NTN1: variants seen among roughly 807,000 people sequenced by gnomAD.
NTN1 encodes the protein netrin-1.
Under a neutral mutation model 54.2 loss-of-function variants are expected in NTN1, and 11 were observed. The observed-to-expected ratio is 0.20, with a 90% CI of 0.13 to 0.34. The LOEUF is 0.34. Ranked by LOEUF, NTN1 falls within the 10% of genes least tolerant of loss-of-function variation. The pLI is 1.00. For synonymous variants in NTN1, 371 were observed against 382.0 expected, an observed-to-expected ratio of 0.97 and a Z score of 0.33; for missense variants, 740 against 893.1, an observed-to-expected ratio of 0.83 and a Z score of 2.18.
chr17:9,020,645 C>T (rs566105289), upstream of NTN1, among the ~76,000 whole-genome samples: 52 of 152,300 alleles, frequency 3.4e-4, no homozygotes, highest in Middle Eastern at 3.4e-3. Flanking sequence ...TGTGGAGGTC[C>T]CATGAGCTAT....
chr17:9,218,798 A>G (rs1440608599), intron 5 of NTN1, among the ~76,000 whole-genome samples: 2 of 152,056 alleles, frequency 1.3e-5, no homozygotes, highest in East Asian at 1.9e-4. Flanking sequence ...GCCACAGCCT[A>G]TGCTATCTAC....
intron 2 of NTN1, among the ~76,000 whole-genome samples, chr17:9,025,797 GAGATATGTGA>G (rs1326328786): frequency 6.6e-6 from 1 of 152,176 alleles, no homozygotes; most frequent in African/African-American, 2.4e-5. Flanking sequence ...CCCTGTAGTG[GAGATATGTGA>G]ATGAATTAGT....
At chr17:9,084,923 T>C (rs1444783199) in intron 2 of NTN1, among the ~76,000 whole-genome samples, 1 of 152,166 alleles carries the variant, frequency 6.6e-6, no homozygotes, top group African/African-American at 2.4e-5. Context: ...AGTGCTGGAT[T>C]ACAGGCGTGA....
At chr17:9,038,960 A>AT (rs1402898930) in intron 2 of NTN1, among the ~76,000 whole-genome samples, 1 of 152,064 alleles carries the variant, frequency 6.6e-6, no homozygotes, top group African/African-American at 2.4e-5. Context: ...AAGGATATCC[A>AT]TTTTTTCATC....
intron 2 of NTN1, among the ~76,000 whole-genome samples, chr17:9,126,184 C>G (rs566246331): frequency 2.4e-4 from 36 of 152,346 alleles, no homozygotes; most frequent in South Asian, 8.3e-4. Context: ...CCAGACCTAC[C>G]TCATTATCAT....
upstream of NTN1, among the ~76,000 whole-genome samples, chr17:9,019,281 TAA>T (rs1833346256): frequency 6.6e-6 from 1 of 152,252 alleles, no homozygotes; most frequent in African/African-American, 2.4e-5. Context: ...TAACCACTAT[TAA>T]CTGTGTTGTC....
At chr17:9,107,287 T>C (rs1033245893) in intron 2 of NTN1, among the ~76,000 whole-genome samples, 1 of 152,254 alleles carries the variant, frequency 6.6e-6, no homozygotes, top group Non-Finnish European at 1.5e-5. Flanking sequence ...ATGCATTTTG[T>C]GTTTTAACTG....
rs573401300 is a variant in NTN1, at chr17:9,228,637, G to C, written c.1486+7395G>C. ...GGAAAAGTTATTCGTTCCCAGAAAT[G>C]TTTATTAGTCACCCTTTTGTTGAAA... On this transcript the variant is annotated intron_variant, in intron 6 of 6. Transcript: ENST00000173229. 5.3e-5 allele frequency among the ~76,000 whole-genome samples: 8 copies of C among 152,332 alleles called. No individual in the cohort carries two copies. The East Asian group carries it at 1.3e-3, about 26-fold the overall frequency.
At position 9,239,444 on chromosome 17, in the gene NTN1, G is replaced by A. The variant is rs1239059554; in HGVS notation, c.1487-196G>A. On this transcript the variant is annotated intron_variant, in intron 6 of 6. Transcript: ENST00000173229. The surrounding 1 kb of genome is among the most constrained non-coding windows in gnomAD (Gnocchi z 5.2). ...TGGGTGGCACCCTCACAGCGTGGGA[G>A]GCAAGGCTTCTTGGCCCTGTTGTTA... Among the ~76,000 whole-genome samples the A allele has an allele frequency of 6.6e-6, 1 of 152,180 alleles. No homozygotes were observed. The highest frequency in any genetic ancestry group is 1.5e-5 in the Non-Finnish European group (1 of 68,020).
chr17:9,132,755 TC>T (rs2092269704), intron 2 of NTN1, among the ~76,000 whole-genome samples: 1 of 152,004 alleles, frequency 6.6e-6, no homozygotes, highest in Non-Finnish European at 1.5e-5. Context: ...ATGCCTGTAA[TC>T]CCAGTTACTC....
chr17:9,222,033 C>G (rs548612860), intron 6 of NTN1, among the ~76,000 whole-genome samples: 1 of 152,200 alleles, frequency 6.6e-6, no homozygotes, highest in South Asian at 2.1e-4. Flanking sequence ...GCAAGGCCCC[C>G]GCATACAGCC....
chr17:9,183,040 G>T, intron 5 of NTN1, 71 bp downstream of exon 5: 2 of 1,496,506 alleles, frequency 1.3e-6, no homozygotes, highest in Non-Finnish European at 1.9e-6. Context: ...GGTTAATGGG[G>T]AAGGGGCATT....
At chr17:9,191,551 GT>G (rs1904458022) in intron 5 of NTN1, among the ~76,000 whole-genome samples, 1 of 152,076 alleles carries the variant, frequency 6.6e-6, no homozygotes, top group Non-Finnish European at 1.5e-5. Context: ...ATGTGACATG[GT>G]TGACCAAAAA....
intron 6 of NTN1, among the ~76,000 whole-genome samples, chr17:9,231,344 A>G (rs1905804353): frequency 6.6e-6 from 1 of 152,080 alleles, no homozygotes; most frequent in Non-Finnish European, 1.5e-5. Flanking sequence ...TTTGGGGGGC[A>G]TCTTTGCAAG....
intron 2 of NTN1, among the ~76,000 whole-genome samples, chr17:9,152,028 CA>C (rs1479716356): frequency 1.3e-5 from 2 of 151,846 alleles, no homozygotes; most frequent in Non-Finnish European, 2.9e-5. Context: ...TGGGCAGGGA[CA>C]AATAAGGGAA....
chr17:9,138,304 A>T (rs1373993837), intron 2 of NTN1, among the ~76,000 whole-genome samples: 2 of 152,098 alleles, frequency 1.3e-5, no homozygotes, highest in Admixed American at 6.5e-5. Context: ...GCTCAAATAG[A>T]CCTCATAATG....
chr17:9,223,821 G>C (rs1003685350), intron 6 of NTN1, among the ~76,000 whole-genome samples: 5 of 152,180 alleles, frequency 3.3e-5, no homozygotes, highest in African/African-American at 1.2e-4. Context: ...GGGTCGCAGA[G>C]GGAAAGCCCT....
chr17:9,035,225 C>T (rs927219887), intron 2 of NTN1, among the ~76,000 whole-genome samples: 7 of 152,176 alleles, frequency 4.6e-5, no homozygotes, highest in Non-Finnish European at 8.8e-5. Context: ...GGATTACAGG[C>T]ATGAGCCACC....
chr17:9,049,082 T>G (rs138699979), intron 2 of NTN1, among the ~76,000 whole-genome samples: 1,527 of 152,272 alleles, frequency 0.01, 27 homozygotes, highest in African/African-American at 0.032. Context: ...ACACAGAGTT[T>G]TAAGAATCAC....
Sources: gnomAD v4.1 joint callset for allele counts (sites outside exome capture counted in the v4.1 genomes callset) on GRCh38, gnomAD v4.1.1 for gene constraint, Gnocchi (gnomAD v3.1) non-coding constraint, MANE v1.5 for transcripts, NCBI Gene and HGNC (gene_info 2026-07-23, HGNC 2026-07-21) for gene names.